Variants in DDAH1 observed in about 807,000 individuals in gnomAD.
DDAH1 encodes N(G),N(G)-dimethylarginine dimethylaminohydrolase 1.
In DDAH1, 19 loss-of-function variants were observed where a neutral mutation model predicts 28.8. The observed-to-expected ratio is 0.66, with a 90% CI of 0.46 to 0.97. The LOEUF (loss-of-function observed/expected upper bound fraction) is 0.97, where lower values mean the gene tolerates loss of function less well. Among genes scored for constraint, DDAH1 ranks in the 50% least tolerant of loss-of-function variants. The probability of loss-of-function intolerance (pLI) is 0.00; values close to 1 mark genes in which losing one functional copy is unlikely to be tolerated. For missense variants in DDAH1, 326 were observed against 375.9 expected (o/e 0.87, Z 1.10); for synonymous variants, 153 against 154.4 (o/e 0.99, Z 0.07).
intron 1 of DDAH1, among the ~76,000 whole-genome samples, chr1:85,574,527 T>A (rs1570688096): frequency 6.6e-6 from 1 of 152,248 alleles, no homozygotes; most frequent in East Asian, 1.9e-4. Flanking sequence ...CTGTTCATCC[T>A]TTCAGCCCCA....
intron 1 of DDAH1, among the ~76,000 whole-genome samples, chr1:85,536,770 A>T (rs1229428617): frequency 1.3e-4 from 19 of 151,986 alleles, no homozygotes; most frequent in Non-Finnish European, 1.5e-5. Flanking sequence ...CTGAAAATTA[A>T]AAAGAAAATT....
chr1:85,441,483 G>A (rs1654189741), intron 1 of DDAH1, among the ~76,000 whole-genome samples: 1 of 152,126 alleles, frequency 6.6e-6, no homozygotes, highest in African/African-American at 2.4e-5. Context: ...AGAGGTTGCA[G>A]TGAGCCGAGA....
intron 1 of DDAH1, among the ~76,000 whole-genome samples, chr1:85,428,187 T>C (rs1244684318): frequency 1.3e-5 from 2 of 152,280 alleles, no homozygotes; most frequent in African/African-American, 2.4e-5. Context: ...TATTATTGTA[T>C]GTGTAGAGGT....
At chr1:85,344,557 T>TCCC (rs1648718885) in intron 4 of DDAH1, among the ~76,000 whole-genome samples, 2 of 145,394 alleles carry the variant, frequency 1.4e-5, no homozygotes, top group Non-Finnish European at 3.1e-5. Flanking sequence ...CCTCCCTCTC[T>TCCC]CCCTTCCCTC....
chr1:85,518,897 G>A (rs1427264301), intron 1 of DDAH1, among the ~76,000 whole-genome samples: 1 of 151,946 alleles, frequency 6.6e-6, no homozygotes, highest in Non-Finnish European at 1.5e-5. Context: ...AAAGTTCTTA[G>A]CACATAGCAA....
At chr1:85,517,133 T>C (rs1657502891) in intron 1 of DDAH1, among the ~76,000 whole-genome samples, 1 of 151,990 alleles carries the variant, frequency 6.6e-6, no homozygotes, top group East Asian at 1.9e-4. Context: ...TTCTGAAAAA[T>C]TAATAGTGTT....
chr1:85,431,424 CTTT>C (rs1294937253), intron 1 of DDAH1, among the ~76,000 whole-genome samples: 2 of 152,196 alleles, frequency 1.3e-5, no homozygotes, highest in African/African-American at 4.8e-5. Flanking sequence ...ACTTCACCTT[CTTT>C]GTCTGACAGT....
Position 85,436,021 on chromosome 1 carries a change from G to C in DDAH1, c.303+28722C>G, listed in dbSNP as rs142659234. 9.7e-3 allele frequency among the ~76,000 whole-genome samples: 1,462 copies of C among 151,438 alleles called. 23 individuals carry two copies. The highest frequency in any genetic ancestry group is 0.034 in the African/African-American group (1,391 of 41,242). On this transcript the variant is annotated intron_variant, in intron 1 of 5. Coordinates refer to ENST00000284031, the MANE Select transcript of DDAH1 (RefSeq NM_012137.4). ...TCACTATGTTGTCCAGACTGGTCTC[G>C]AACTCCTGACCTCAAGTGATCTGCC...
chr1:85,422,876 G>A lies in DDAH1; in HGVS notation c.303+41867C>T, dbSNP rs80278734. ...CAAAGCAAGGAAAGGCCATATGAGC[G>A]CGCAGCAAGAAGGCAGCTGTCTGAA... On this transcript the variant is annotated intron_variant, in intron 1 of 5. Coordinates refer to ENST00000284031, the MANE Select transcript of DDAH1 (RefSeq NM_012137.4). Among the ~76,000 whole-genome samples the A allele has an allele frequency of 8.5e-5, 13 of 152,258 alleles. No homozygotes were observed. The East Asian group carries it at 9.7e-4, about 11-fold the overall frequency.
intron 1 of DDAH1, among the ~76,000 whole-genome samples, chr1:85,462,612 T>C (rs904789473): frequency 6.6e-6 from 1 of 152,068 alleles, no homozygotes; most frequent in South Asian, 2.1e-4. Context: ...CATTCATTCA[T>C]TCATCCACTC....
intron 1 of DDAH1, among the ~76,000 whole-genome samples, chr1:85,449,696 C>T (rs1319861478): frequency 5.3e-5 from 8 of 152,052 alleles, no homozygotes; most frequent in Non-Finnish European, 1.0e-4. Flanking sequence ...GGTCTCTGAA[C>T]CTGAAAACTA....
intron 1 of DDAH1, among the ~76,000 whole-genome samples, chr1:85,539,373 C>T (rs1458269890): frequency 6.6e-6 from 1 of 152,208 alleles, no homozygotes; most frequent in Non-Finnish European, 1.5e-5. Context: ...CCTCAAACTC[C>T]TGAGCTCAGG....
intron 1 of DDAH1, chr1:85,577,921 G>A (rs1659658619): frequency 2.1e-6 from 2 of 957,456 alleles, no homozygotes; most frequent in Non-Finnish European, 2.5e-6. Context: ...CACCCGTATG[G>A]GGAGGGTGAA....
chr1:85,398,597 C>T (rs1651921719), intron 1 of DDAH1: 1 of 152,194 alleles, frequency 6.6e-6, no homozygotes, highest in Admixed American at 6.5e-5. Context: ...GCGTGCCATA[C>T]AGAGAGTTCA....
In DDAH1 at chr1:85,536,597, A is replaced by ACC. The variant is rs1553146883; in HGVS notation, c.-122-40317_-122-40316insGG. Among the ~76,000 whole-genome samples the ACC allele has an allele frequency of 4.8e-3, 736 of 152,186 alleles. 5 individuals carry two copies. The highest frequency in any genetic ancestry group is 0.017 in the African/African-American group (690 of 41,516). On this transcript the variant is annotated intron_variant, in intron 1 of 6. Transcript: ENST00000426972. The stretch of plus-strand genomic sequence containing the variant: ...AACAAACAAACAAATGAACAAAAAA[A>ACC]CACACACACAATGAGATACTACTCA...
intron 1 of DDAH1, among the ~76,000 whole-genome samples, chr1:85,545,394 A>C (rs927622969): frequency 5.3e-5 from 8 of 152,324 alleles, no homozygotes; most frequent in African/African-American, 1.7e-4. Flanking sequence ...AATTTCCTGA[A>C]GCCCTTCTCG....
intron 1 of DDAH1, among the ~76,000 whole-genome samples, chr1:85,451,546 T>A (rs926274765): frequency 6.6e-6 from 1 of 152,058 alleles, no homozygotes; most frequent in African/African-American, 2.4e-5. Context: ...GGAACCACAA[T>A]TTGAATTTAT....
intron 1 of DDAH1, among the ~76,000 whole-genome samples, chr1:85,564,216 TA>T (rs535061972): frequency 2.0e-5 from 3 of 149,196 alleles, no homozygotes; most frequent in African/African-American, 4.9e-5. Flanking sequence ...ATGTCTGAGA[TA>T]AAAAAATATA....
chr1:85,321,952 C>T (rs539008776), intron 5 of DDAH1, among the ~76,000 whole-genome samples: 7 of 152,180 alleles, frequency 4.6e-5, no homozygotes, highest in South Asian at 2.1e-4. Context: ...CTTGCTCTGT[C>T]GTCCAGGTTG....
Sources: gnomAD v4.1 joint callset for allele counts (sites outside exome capture counted in the v4.1 genomes callset) on GRCh38, gnomAD v4.1.1 for gene constraint, MANE v1.5 for transcripts, NCBI Gene and HGNC (gene_info 2026-07-23, HGNC 2026-07-21) for gene names.